The following AUH variants were observed in gnomAD, a reference collection of about 807,000 sequenced individuals.
AUH encodes AU RNA binding methylglutaconyl-CoA hydratase.
Under a neutral mutation model 42.3 loss-of-function variants are expected in AUH, and 29 were observed. That is an observed-to-expected ratio of 0.69 (90% CI 0.51 to 0.93). The LOEUF (loss-of-function observed/expected upper bound fraction) is 0.93. AUH is among the 40% of genes least tolerant of loss of function. The probability of loss-of-function intolerance (pLI) is 0.00; values close to 1 mark genes in which losing one functional copy is unlikely to be tolerated. For missense variants in AUH, 452 were observed against 438.1 expected (o/e 1.03, Z -0.28); for synonymous variants, 174 against 166.4 (o/e 1.05, Z -0.35).
At chr9:91,341,828 T>C (rs1381116192) in intron 3 of AUH, among the ~76,000 whole-genome samples, 1 of 151,960 alleles carries the variant, frequency 6.6e-6, no homozygotes, top group Non-Finnish European at 1.5e-5. Flanking sequence ...AATAGAAAAA[T>C]GTGATGGAGG....
chr9:91,353,377 G>A (rs138684654), intron 3 of AUH, among the ~76,000 whole-genome samples: 1,788 of 152,150 alleles, frequency 0.012, 17 homozygotes, highest in Non-Finnish European at 0.018. Context: ...GAGCCACCGC[G>A]CCCAGCAGAG....
intron 3 of AUH, among the ~76,000 whole-genome samples, chr9:91,350,827 T>C (rs75297392): frequency 0.024 from 3,664 of 152,042 alleles, 148 homozygotes; most frequent in African/African-American, 0.083. Flanking sequence ...AATTTTAGTT[T>C]CCAAAAAAAG....
intron 6 of AUH, among the ~76,000 whole-genome samples, chr9:91,263,866 T>C (rs1829828406): frequency 6.6e-6 from 1 of 152,194 alleles, no homozygotes; most frequent in African/African-American, 2.4e-5. Flanking sequence ...CCTCTCCCAA[T>C]TTTTAGCTCT....
intron 3 of AUH, among the ~76,000 whole-genome samples, chr9:91,346,024 C>T (rs7042178): frequency 6.6e-6 from 1 of 151,778 alleles, no homozygotes; most frequent in African/African-American, 2.4e-5. Flanking sequence ...AAAAATACTT[C>T]GTCGTTTTTA....
intron 6 of AUH, among the ~76,000 whole-genome samples, chr9:91,251,644 G>A (rs1202521267): frequency 6.6e-6 from 1 of 152,192 alleles, no homozygotes; most frequent in Non-Finnish European, 1.5e-5. Context: ...TGCCAGGATA[G>A]AGTAAACTTT....
At chr9:91,270,544 A>C (rs1564051729) in intron 6 of AUH, among the ~76,000 whole-genome samples, 2 of 152,162 alleles carry the variant, frequency 1.3e-5, no homozygotes, top group African/African-American at 4.8e-5. Flanking sequence ...TCTTCAGATG[A>C]ATTTAGGTTA....
At chr9:91,338,148 AAT>A (rs1830826204) in intron 3 of AUH, among the ~76,000 whole-genome samples, 1 of 152,226 alleles carries the variant, frequency 6.6e-6, no homozygotes, top group South Asian at 2.1e-4. Context: ...TCAAGGCTCT[AAT>A]AAATCAGATG....
chr9:91,282,570 G>A (rs1369602031), intron 6 of AUH, among the ~76,000 whole-genome samples: 2 of 152,158 alleles, frequency 1.3e-5, no homozygotes. Flanking sequence ...GGTAGGAGCT[G>A]AGGTCAGAGA....
chr9:91,290,155 C>T (rs1434245145), intron 6 of AUH, among the ~76,000 whole-genome samples: 6 of 151,934 alleles, frequency 3.9e-5, no homozygotes, highest in Non-Finnish European at 7.3e-5. Flanking sequence ...GTGGCTCATG[C>T]CTGTAATCCC....
intron 4 of AUH, among the ~76,000 whole-genome samples, chr9:91,313,982 C>T (rs1828938328): frequency 1.3e-5 from 2 of 151,912 alleles, no homozygotes; most frequent in South Asian, 2.1e-4. Flanking sequence ...TGCCACCACG[C>T]CTGGCTAATT....
chr9:91,283,047 G>T (rs868312985), intron 6 of AUH, among the ~76,000 whole-genome samples: 2 of 152,096 alleles, frequency 1.3e-5, no homozygotes, highest in Non-Finnish European at 1.5e-5. Context: ...GATGAACATC[G>T]GTGCAAAAAT....
chr9:91,347,239 TGTTTTGGTAGAGATGGG>T (rs1193880577), intron 3 of AUH, among the ~76,000 whole-genome samples: 2 of 151,926 alleles, frequency 1.3e-5, no homozygotes, highest in East Asian at 3.9e-4. Flanking sequence ...TTTGTTTGTT[TGTTTTGGTAGAGATGGG>T]GTTTTGCCAT....
chr9:91,333,428 T>G (rs1830477666), intron 3 of AUH, among the ~76,000 whole-genome samples: 1 of 152,248 alleles, frequency 6.6e-6, no homozygotes, highest in South Asian at 2.1e-4. Flanking sequence ...AGTTTTCTTC[T>G]GGATTGAATT....
At chr9:91,220,643 T>A (rs1303352744) in intron 7 of AUH, among the ~76,000 whole-genome samples, 162 bp downstream of exon 7, 1 of 152,250 alleles carries the variant, frequency 6.6e-6, no homozygotes, top group African/African-American at 2.4e-5. Context: ...AGGATCATAG[T>A]GTTTATCTTG....
At chr9:91,341,465 C>T (rs1170202604) in intron 3 of AUH, among the ~76,000 whole-genome samples, 1 of 152,210 alleles carries the variant, frequency 6.6e-6, no homozygotes, top group African/African-American at 2.4e-5. Flanking sequence ...ATGTTTTAAT[C>T]TCCACTGGTT....
At chr9:91,329,225 A>G (rs1366395687) in intron 3 of AUH, among the ~76,000 whole-genome samples, 2 of 152,040 alleles carry the variant, frequency 1.3e-5, no homozygotes, top group Admixed American at 1.3e-4. Context: ...TTGGTGGACA[A>G]ATGTTTTCAT....
intron 4 of AUH, among the ~76,000 whole-genome samples, chr9:91,323,408 A>G (rs1829735010): frequency 1.3e-5 from 2 of 152,158 alleles, no homozygotes; most frequent in African/African-American, 2.4e-5. Context: ...GTGGATCACG[A>G]GGTCAAGAGA....
At chr9:91,273,685 T>C (rs917513425) in intron 6 of AUH, among the ~76,000 whole-genome samples, 5 of 152,178 alleles carry the variant, frequency 3.3e-5, no homozygotes, top group Non-Finnish European at 1.5e-5. Context: ...AAAAATAACA[T>C]GCATATGTGT....
chr9:91,355,767 A>G (rs1832360789), intron 3 of AUH, 116 bp downstream of exon 3: 9 of 869,794 alleles, frequency 1.0e-5, no homozygotes, highest in South Asian at 5.8e-5. Flanking sequence ...AAACACAGAC[A>G]AAGAGGAGTT....
Sources: gnomAD v4.1 joint callset for allele counts (sites outside exome capture counted in the v4.1 genomes callset) on GRCh38, gnomAD v4.1.1 for gene constraint, MANE v1.5 for transcripts, NCBI Gene and HGNC (gene_info 2026-07-23, HGNC 2026-07-21) for gene names.